The following NAV3 variants were observed in gnomAD, a reference collection of about 807,000 sequenced individuals.
NAV3 encodes neuron navigator 3, also known as pore membrane and/or filament interacting like protein 1.
In NAV3, 87 loss-of-function variants were observed where a neutral mutation model predicts 244.7. The observed-to-expected ratio is 0.36, with a 90% CI of 0.30 to 0.42. The LOEUF (loss-of-function observed/expected upper bound fraction) is 0.42, where lower values mean the gene tolerates loss of function less well. Among genes scored for constraint, NAV3 ranks in the 20% least tolerant of loss-of-function variants. The probability of loss-of-function intolerance (pLI) is 1.00; values close to 1 mark genes in which losing one functional copy is unlikely to be tolerated. For synonymous variants in NAV3, 1,126 were observed against 1,042.2 expected, an observed-to-expected ratio of 1.08 and a Z score of -1.55; for missense variants, 2,663 against 2,893.3, an observed-to-expected ratio of 0.92 and a Z score of 1.83.
chr12:78,019,217 T>A (rs914201751), intron 8 of NAV3, among the ~76,000 whole-genome samples: 4 of 152,152 alleles, frequency 2.6e-5, no homozygotes, highest in African/African-American at 9.7e-5. Context: ...AACTGATTAG[T>A]GATGGGGTCA....
At chr12:78,101,460 C>A (rs1324234710) in intron 12 of NAV3, among the ~76,000 whole-genome samples, 1 of 152,068 alleles carries the variant, frequency 6.6e-6, no homozygotes, top group Non-Finnish European at 1.5e-5. Flanking sequence ...TTTTAAACTG[C>A]TATAAAAATC....
chr12:77,793,299 A>G (rs1213283425), intron 2 of NAV3, among the ~76,000 whole-genome samples: 2 of 152,146 alleles, frequency 1.3e-5, no homozygotes, highest in Admixed American at 6.5e-5. Flanking sequence ...GTATTTCTCT[A>G]TTTTAATTTT....
chr12:77,895,508 G>A (rs961006402), intron 1 of NAV3, among the ~76,000 whole-genome samples: 4 of 152,018 alleles, frequency 2.6e-5, no homozygotes, highest in Non-Finnish European at 5.9e-5. Context: ...AAAGCTAAGT[G>A]TGATGATTAG....
rs545307673 is a variant in NAV3, at chr12:77,871,796, C to T, written c.243+40092C>T. 1.4e-4 allele frequency among the ~76,000 whole-genome samples: 21 copies of T among 152,224 alleles called. No individual in the cohort carries two copies. In the South Asian group the frequency reaches 3.3e-3, roughly 24 times the overall value. On this transcript the variant is annotated intron_variant, in intron 1 of 39. Coordinates refer to ENST00000397909, the MANE Select transcript of NAV3 (RefSeq NM_001024383.2). ...AGATTGATTGATAATCCATTGGGTA[C>T]GTACCCAGTAATGGCATTGCTGGGT...
intron 1 of NAV3, among the ~76,000 whole-genome samples, chr12:77,924,092 T>C (rs1240390890): frequency 6.6e-6 from 1 of 152,118 alleles, no homozygotes; most frequent in Non-Finnish European, 1.5e-5. Flanking sequence ...CTGTACACAG[T>C]AGACTTTCAG....
intron 6 of NAV3, among the ~76,000 whole-genome samples, chr12:77,996,187 G>A (rs545511580): frequency 6.6e-6 from 1 of 152,298 alleles, no homozygotes; most frequent in African/African-American, 2.4e-5. Flanking sequence ...ATGTGTGTGA[G>A]TTTGGAATGA....
intron 2 of NAV3, among the ~76,000 whole-genome samples, chr12:77,611,864 C>T (rs763187206): frequency 5.3e-5 from 8 of 151,948 alleles, no homozygotes; most frequent in Non-Finnish European, 1.0e-4. Flanking sequence ...TCTCTTCATG[C>T]TTTAATATAT....
intron 2 of NAV3, among the ~76,000 whole-genome samples, chr12:77,670,769 G>T (rs1241068767): frequency 2.6e-5 from 4 of 152,052 alleles, no homozygotes; most frequent in African/African-American, 9.7e-5. Flanking sequence ...AGCAAAATTG[G>T]CATAGAAGGG....
rs117801703 is a variant in NAV3 at position 77,847,138 on chromosome 12, G to T, written c.243+15434G>T. ...CTCCTCTGTAAGACAGACAGGATGT[G>T]GTCTAGGAGAAAGTCCACACTTTAA... is the stretch of plus-strand genomic sequence containing the variant. On this transcript the variant is annotated intron_variant, in intron 1 of 39. Transcript: ENST00000397909. Among the ~76,000 whole-genome samples the T allele has an allele frequency of 5.9e-3, 898 of 152,246 alleles. 7 individuals carry two copies. The highest frequency in any genetic ancestry group is 0.017 in the Middle Eastern group (5 of 294).
chr12:77,752,929 G>A (rs1320947543), intron 2 of NAV3, among the ~76,000 whole-genome samples: 1 of 152,104 alleles, frequency 6.6e-6, no homozygotes. Context: ...GGCATTCTGG[G>A]TTCATTACCA....
intron 2 of NAV3, among the ~76,000 whole-genome samples, chr12:77,748,533 A>G (rs540849309): frequency 6.6e-6 from 1 of 152,350 alleles, no homozygotes; most frequent in South Asian, 2.1e-4. Flanking sequence ...TGTGGTGGAC[A>G]TGTATACAAT....
chr12:77,994,799 A>G lies in NAV3; in HGVS notation c.672-4A>G, dbSNP rs1872078075. ...ATTCAATTTCTCTGTTTCTCCTCAT[A>G]CAGTCTGGCAGCCAGATATGCAACT... is the stretch of plus-strand genomic sequence containing the variant. On this transcript the variant is annotated splice_polypyrimidine_tract_variant and splice_region_variant and intron_variant, in intron 5 of 39. Transcript: ENST00000397909. The G allele has an allele frequency of 6.2e-7, 1 of 1,608,426 alleles. No individual in the cohort carries two copies. The highest frequency in any genetic ancestry group is 8.5e-7 in the Non-Finnish European group (1 of 1,177,160).
intron 2 of NAV3, among the ~76,000 whole-genome samples, chr12:77,656,184 C>A (rs539006989): frequency 1.4e-5 from 2 of 145,026 alleles, no homozygotes; most frequent in East Asian, 3.9e-4. Flanking sequence ...AGAGTCAAGA[C>A]GCATCAGTGT....
intron 1 of NAV3, among the ~76,000 whole-genome samples, chr12:77,938,615 A>T (rs1032935161): frequency 4.6e-5 from 7 of 152,170 alleles, no homozygotes; most frequent in Middle Eastern, 3.4e-3. Flanking sequence ...TAATCTTGTG[A>T]TATTTAGACC....
intron 2 of NAV3, among the ~76,000 whole-genome samples, chr12:77,589,143 C>T (rs711102): frequency 0.71 from 108,482 of 152,058 alleles, 38,834 homozygotes; most frequent in African/African-American, 0.72. Flanking sequence ...ATTTTTCTCC[C>T]GTAGGAAGAC....
intron 3 of NAV3, among the ~76,000 whole-genome samples, chr12:77,948,547 C>T (rs1324338365): frequency 6.6e-6 from 1 of 151,286 alleles, no homozygotes; most frequent in Admixed American, 6.6e-5. Flanking sequence ...ATTGGTAGCC[C>T]AGTATTACTG....
intron 18 of NAV3, among the ~76,000 whole-genome samples, chr12:78,133,801 A>G (rs1432382935): frequency 6.6e-6 from 1 of 152,170 alleles, no homozygotes; most frequent in African/African-American, 2.4e-5. Flanking sequence ...ATGAAACTTC[A>G]TTTGGGAAAA....
At chr12:78,195,975 A>G (rs1463635711) in intron 34 of NAV3, among the ~76,000 whole-genome samples, 1 of 152,086 alleles carries the variant, frequency 6.6e-6, no homozygotes, top group Non-Finnish European at 1.5e-5. Context: ...CTTAAACTCC[A>G]TTGATAGCAG....
intron 2 of NAV3, among the ~76,000 whole-genome samples, chr12:77,593,220 C>G (rs764566746): frequency 1.3e-5 from 2 of 151,824 alleles, no homozygotes; most frequent in African/African-American, 4.8e-5. Flanking sequence ...TACTGTTACA[C>G]CAAGATTATT....
Sources: allele counts gnomAD v4.1 joint callset (sites outside exome capture counted in the v4.1 genomes callset), GRCh38; gene constraint gnomAD v4.1.1; transcripts MANE v1.5; gene names NCBI Gene and HGNC (gene_info 2026-07-23, HGNC 2026-07-21).